CERS6: variants seen among roughly 807,000 people sequenced by gnomAD.
CERS6 encodes ceramide synthase 6, also known as LAG1 homolog, ceramide synthase 6.
Under a neutral mutation model 56.8 loss-of-function variants are expected in CERS6, and 26 were observed. The ratio of observed to expected loss-of-function variants is 0.46; its 90% CI spans 0.34 to 0.63. The LOEUF (loss-of-function observed/expected upper bound fraction) is 0.63. Ranked by LOEUF, CERS6 falls within the 30% of genes least tolerant of loss-of-function variation. The pLI, the probability that CERS6 is intolerant of heterozygous loss-of-function variation, is 0.01. For synonymous variants in CERS6, 164 were observed against 173.3 expected, an observed-to-expected ratio of 0.95 and a Z score of 0.42; for missense variants, 415 against 467.5, an observed-to-expected ratio of 0.89 and a Z score of 1.04.
chr2:168,670,347 C>G (rs1685875976), intron 4 of CERS6, among the ~76,000 whole-genome samples: 2 of 152,104 alleles, frequency 1.3e-5, no homozygotes, highest in Admixed American at 1.3e-4. Flanking sequence ...AATCTGAATT[C>G]TAGTCACATC....
chr2:168,573,332 G>A (rs1173168116), intron 3 of CERS6, among the ~76,000 whole-genome samples: 1 of 152,196 alleles, frequency 6.6e-6, no homozygotes, highest in East Asian at 1.9e-4. Flanking sequence ...AAATGAGTGA[G>A]TGCTTGTTGG....
chr2:168,700,421 C>T lies in CERS6; in HGVS notation c.609+5370C>T, dbSNP rs535259822. Among the ~76,000 whole-genome samples the T allele has an allele frequency of 5.9e-5, 9 of 152,146 alleles. No individual in the cohort carries two copies. In the South Asian group the frequency reaches 1.5e-3, roughly 25 times the overall value. On this transcript the variant is annotated intron_variant, in intron 6 of 9. Coordinates refer to ENST00000305747, the MANE Select transcript of CERS6 (RefSeq NM_203463.3). ...CTTGACAAATAGAGCTTAGACAGTA[C>T]GTGGCACATAATGACCCAGTAAGGA... is the stretch of plus-strand genomic sequence containing the variant.
chr2:168,703,189 G>T (rs185771551), intron 6 of CERS6, among the ~76,000 whole-genome samples: 1 of 152,082 alleles, frequency 6.6e-6, no homozygotes, highest in Non-Finnish European at 1.5e-5. Flanking sequence ...TTTGGTGTTC[G>T]CAATAATTTT....
At chr2:168,654,424 T>G (rs1685420007) in intron 4 of CERS6, among the ~76,000 whole-genome samples, 1 of 152,100 alleles carries the variant, frequency 6.6e-6, no homozygotes, top group South Asian at 2.1e-4. Flanking sequence ...GCACCTGTGA[T>G]CCTAGCTACA....
At position 168,772,984 on chromosome 2, in the gene CERS6, G is replaced by A. The variant is rs72881735; in HGVS notation, c.*3322G>A. The A allele has an allele frequency of 0.099, 15,016 of 152,284 alleles. 870 individuals carry two copies. Among genetic ancestry groups the A allele is most frequent in the African/African-American group, 0.16 (6,492 of 41,528 alleles). 9.4% of individuals were successfully genotyped at this position (152,284 alleles called of 1,614,324 possible). ...AGTATTTGGTGGAGTTTGAATTTGA[G>A]CAAACTAAATGCCTTCATCTTAGGT... On this transcript the variant is annotated 3_prime_UTR_variant, in exon 10 of 10. Transcript: ENST00000305747.
intron 4 of CERS6, among the ~76,000 whole-genome samples, chr2:168,640,589 A>G (rs745873330): frequency 6.6e-6 from 1 of 152,228 alleles, no homozygotes; most frequent in Non-Finnish European, 1.5e-5. Context: ...TGGGAGCCTA[A>G]TTCAATTTAG....
chr2:168,485,359 G>C (rs1325021339), intron 1 of CERS6, among the ~76,000 whole-genome samples: 2 of 152,030 alleles, frequency 1.3e-5, no homozygotes, highest in East Asian at 3.9e-4. Flanking sequence ...ATTAACTAAA[G>C]TTCATAGTTT....
intron 2 of CERS6, among the ~76,000 whole-genome samples, chr2:168,553,758 T>C (rs1278906608): frequency 6.6e-6 from 1 of 152,144 alleles, no homozygotes; most frequent in African/African-American, 2.4e-5. Context: ...ATTTAAACTG[T>C]AGTACTAAGA....
intron 1 of CERS6, among the ~76,000 whole-genome samples, chr2:168,511,041 A>G (rs1442182282): frequency 1.3e-5 from 2 of 152,116 alleles, no homozygotes; most frequent in Admixed American, 6.6e-5. Flanking sequence ...ATCTCTCTCC[A>G]CAGATTCAGA....
intron 3 of CERS6, among the ~76,000 whole-genome samples, chr2:168,577,677 G>A (rs1399113148): frequency 6.6e-6 from 1 of 152,150 alleles, no homozygotes; most frequent in Non-Finnish European, 1.5e-5. Flanking sequence ...ATTCATTTGT[G>A]GTAACAGGAG....
chr2:168,746,820 TAAA>T (rs574474747), intron 8 of CERS6, among the ~76,000 whole-genome samples: 5 of 80,046 alleles, frequency 6.2e-5, no homozygotes, highest in Non-Finnish European at 7.4e-5. Context: ...TATATATATA[TAAA>T]ATCATCTTTG....
At chr2:168,530,439 A>G (rs1274577972) in intron 1 of CERS6, among the ~76,000 whole-genome samples, 1 of 152,258 alleles carries the variant, frequency 6.6e-6, no homozygotes, top group Non-Finnish European at 1.5e-5. Context: ...ATATAGTGGT[A>G]ATATCTTAAA....
intron 3 of CERS6, among the ~76,000 whole-genome samples, chr2:168,619,354 G>A (rs529183437): frequency 1.3e-5 from 2 of 152,148 alleles, no homozygotes; most frequent in Non-Finnish European, 2.9e-5. Flanking sequence ...CAGAGAAATG[G>A]CTGGGACTTA....
chr2:168,705,377 A>AG (rs1450582193), intron 6 of CERS6, among the ~76,000 whole-genome samples: 1 of 152,170 alleles, frequency 6.6e-6, no homozygotes, highest in African/African-American at 2.4e-5. Context: ...AGAAAAAAAA[A>AG]CAAAAACAAA....
intron 4 of CERS6, among the ~76,000 whole-genome samples, chr2:168,642,170 G>T (rs1685067648): frequency 6.6e-6 from 1 of 152,078 alleles, no homozygotes; most frequent in Non-Finnish European, 1.5e-5. Context: ...CCAGGAGTTT[G>T]AGACCAACCT....
chr2:168,724,479 G>C (rs925946142), intron 8 of CERS6, among the ~76,000 whole-genome samples: 16 of 152,152 alleles, frequency 1.1e-4, no homozygotes, highest in Non-Finnish European at 7.3e-5. Flanking sequence ...ACATCGTGCT[G>C]ATTGGTAGAG....
intron 3 of CERS6, among the ~76,000 whole-genome samples, chr2:168,587,351 G>T (rs1315823159): frequency 6.6e-6 from 1 of 152,186 alleles, no homozygotes; most frequent in Non-Finnish European, 1.5e-5. Flanking sequence ...GACCTGAGGA[G>T]ATCATATCCT....
intron 1 of CERS6, among the ~76,000 whole-genome samples, chr2:168,507,975 T>TG (rs1263518069): frequency 6.6e-6 from 1 of 152,186 alleles, no homozygotes; most frequent in Non-Finnish European, 1.5e-5. Flanking sequence ...TGAGCTGATA[T>TG]GGGAGTCATG....
chr2:168,746,816 TATATAA>T (rs1466536168), intron 8 of CERS6, among the ~76,000 whole-genome samples: 2,523 of 110,840 alleles, frequency 0.023, 89 homozygotes, highest in Non-Finnish European at 0.027. Context: ...TATATATATA[TATATAA>T]AATCATCTTT....
Sources: gnomAD v4.1 joint callset for allele counts (sites outside exome capture counted in the v4.1 genomes callset) on GRCh38, gnomAD v4.1.1 for gene constraint, MANE v1.5 for transcripts, NCBI Gene and HGNC (gene_info 2026-07-23, HGNC 2026-07-21) for gene names.